The following RDH10 variants were observed in gnomAD, a reference collection of about 807,000 sequenced individuals.
RDH10 encodes retinol dehydrogenase 10 (all-trans).
In RDH10, 12 loss-of-function variants were observed where a neutral mutation model predicts 30.2. The ratio of observed to expected loss-of-function variants is 0.40; its 90% CI spans 0.25 to 0.64. RDH10 has a LOEUF of 0.64. RDH10 is among the 30% of genes least tolerant of loss of function. The probability of loss-of-function intolerance (pLI) is 0.43; values close to 1 mark genes in which losing one functional copy is unlikely to be tolerated. For synonymous variants in RDH10, 189 were observed against 172.2 expected (o/e 1.10, Z -0.76); for missense variants, 268 against 445.2 (o/e 0.60, Z 3.58).
At chr8:73,316,097 G>A (rs1038277919) in intron 2 of RDH10, among the ~76,000 whole-genome samples, 1 of 152,156 alleles carries the variant, frequency 6.6e-6, no homozygotes, top group African/African-American at 2.4e-5. Context: ...GCTCACTGTA[G>A]CCTCGACCTC....
chr8:73,296,970 C>A, intron 1 of RDH10: 1 of 507,548 alleles, frequency 2.0e-6, no homozygotes, highest in Non-Finnish European at 3.6e-6. Context: ...TGACTTTCCC[C>A]TAAGCAAAGT....
In RDH10 at chr8:73,297,264, G is replaced by T. The variant is rs1171288377; in HGVS notation, c.360G>T (p.Gly120=). The T allele has an allele frequency of 6.2e-7, 1 of 1,614,040 alleles. No homozygotes were observed. Among genetic ancestry groups the T allele is most frequent in the Admixed American group, 1.7e-5 (1 of 60,006 alleles). The change falls in exon 2 of 6, where the codon GGG becomes GGT. Residue 120 remains glycine, a synonymous_variant. Transcript: ENST00000240285. ...TTTTTACCTACACCTGTGACGTGGGGAAGAGGGAGAACGTCTACCTGACGG... is the reference window on the plus strand; with the variant it reads ...TTTTTACCTACACCTGTGACGTGGGTAAGAGGGAGAACGTCTACCTGACGG... ...LQVFTYTCDV[G]KRENVYLTAE...
In RDH10 at chr8:73,325,060, G is replaced by C. The variant is rs1814846242; in HGVS notation, c.*2024G>C. ...CCAGGTGGGGACAGATATACTCAGA[G>C]ATTATCCAGGTCTGCCTCCCAGCGA... On this transcript the variant is annotated 3_prime_UTR_variant, in exon 6 of 6. Transcript: ENST00000240285. The C allele has an allele frequency of 6.6e-6, 1 of 152,278 alleles. No homozygotes were observed. Among genetic ancestry groups the C allele is most frequent in the South Asian group, 2.1e-4 (1 of 4,822 alleles). The allele number at this position is 152,278 out of a possible 1,614,324, so 9.4% of individuals were successfully genotyped here.
At chr8:73,320,633 A>G (rs1374564403) in intron 3 of RDH10, among the ~76,000 whole-genome samples, 1 of 151,748 alleles carries the variant, frequency 6.6e-6, no homozygotes, top group Non-Finnish European at 1.5e-5. Flanking sequence ...CACCATGCCC[A>G]GCTAATTTTT....
In RDH10 at chr8:73,323,569, A is replaced by T. The variant is rs1402420951; in HGVS notation, c.*533A>T. ...GAAAAGGAATTTTGAAATCTCCATCAACTGAAGTAAATGATGTCTGAGTGT... is the reference window on the plus strand; with the variant it reads ...GAAAAGGAATTTTGAAATCTCCATCTACTGAAGTAAATGATGTCTGAGTGT... On this transcript the variant is annotated 3_prime_UTR_variant, in exon 6 of 6. Coordinates refer to ENST00000240285, the MANE Select transcript of RDH10 (RefSeq NM_172037.5). 1 of 153,664 alleles carries T rather than the reference A, an allele frequency of 6.5e-6. No homozygotes were observed. The highest frequency in any genetic ancestry group is 1.4e-5 in the Non-Finnish European group (1 of 68,986). The allele number at this position is 153,664 out of a possible 1,614,324, so 9.5% of individuals were successfully genotyped here. A position where few individuals can be genotyped will look rare whatever the true frequency, so the allele number is the denominator to read the frequency against.
In RDH10 at chr8:73,296,907, T is replaced by C. The variant is rs540723579; in HGVS notation, c.290-287T>C. ...TCAGTTCTTTGCAGGTGTCTTTAGC[T>C]CCAGCAAGCTGATCCCATGTGGTCT... is the stretch of plus-strand genomic sequence containing the variant. On this transcript the variant is annotated intron_variant, in intron 1 of 5. Coordinates refer to ENST00000240285, the MANE Select transcript of RDH10 (RefSeq NM_172037.5). 1.6e-4 allele frequency: 61 copies of C among 391,244 alleles called. No homozygotes were observed. In the Middle Eastern group the frequency reaches 2.5e-3, roughly 16 times the overall value. 24.2% of individuals were successfully genotyped at this position (391,244 alleles called of 1,614,324 possible). A position where few individuals can be genotyped will look rare whatever the true frequency, so the allele number is the denominator to read the frequency against.
intron 2 of RDH10, among the ~76,000 whole-genome samples, chr8:73,307,101 T>C (rs1029795448): frequency 2.0e-5 from 3 of 152,234 alleles, no homozygotes; most frequent in African/African-American, 4.8e-5. Context: ...ATTTTTATTA[T>C]GTTTGCTGGA....
In RDH10 at chr8:73,294,690, G is replaced by T. The variant is rs1029474447; in HGVS notation, c.-600G>T. On this transcript the variant is annotated 5_prime_UTR_variant, in exon 1 of 6. Coordinates refer to ENST00000240285, the MANE Select transcript of RDH10 (RefSeq NM_172037.5). ...ACACCCGCGGAGAGTGCAGGGCCGG[G>T]GAACGCGAGCCCTCGGGGGCAGCTG... 1 of 367,592 alleles carries T rather than the reference G, an allele frequency of 2.7e-6. No individual in the cohort carries two copies. Among genetic ancestry groups the T allele is most frequent in the African/African-American group, 2.1e-5 (1 of 47,294 alleles). The allele number at this position is 367,592 out of a possible 1,614,324, so 22.8% of individuals were successfully genotyped here.
chr8:73,307,236 A>G (rs1194025903), intron 2 of RDH10, among the ~76,000 whole-genome samples: 1 of 152,174 alleles, frequency 6.6e-6, no homozygotes, highest in East Asian at 1.9e-4. Context: ...AGCGTCATCT[A>G]GGACTTGGGA....
At chr8:73,315,707 AG>A in intron 2 of RDH10, 1 of 393,236 alleles carries the variant, frequency 2.5e-6, no homozygotes, top group Non-Finnish European at 5.3e-6. Flanking sequence ...CTGGAGTTAG[AG>A]TGGACACGTG....
chr8:73,296,285 AATATTGGTTCAG>A (rs1447310518), intron 1 of RDH10, among the ~76,000 whole-genome samples: 3 of 152,030 alleles, frequency 2.0e-5, no homozygotes, highest in Non-Finnish European at 2.9e-5. Context: ...ACCAACCATA[AATATTGGTTCAG>A]GAAATTTGAT....
At chr8:73,321,482 G>T (rs141830852) in intron 4 of RDH10, among the ~76,000 whole-genome samples, 1 of 152,138 alleles carries the variant, frequency 6.6e-6, no homozygotes, top group Non-Finnish European at 1.5e-5. Context: ...AGAGAGTAAC[G>T]TGCCTTTCTT....
In RDH10 at chr8:73,323,192, T is replaced by C. The variant is rs1814798713; in HGVS notation, c.*156T>C. ...AAAAATAAAGTGTAAATTAACCGAC[T>C]AGAGTACTTGGAAAATGTGATCAGT... On this transcript the variant is annotated 3_prime_UTR_variant, in exon 6 of 6. Transcript: ENST00000240285. The C allele has an allele frequency of 1.6e-6, 1 of 621,442 alleles. No individual in the cohort carries two copies. Among genetic ancestry groups the C allele is most frequent in the Admixed American group, 3.0e-5 (1 of 33,890 alleles). The allele number at this position is 621,442 out of a possible 1,614,324, so 38.5% of individuals were successfully genotyped here.
Position 73,295,110 on chromosome 8 carries a change from G to A in RDH10, c.-180G>A. 2.3e-6 allele frequency: 1 copy of A among 432,142 alleles called. No homozygotes were observed. The highest frequency in any genetic ancestry group is 3.8e-6 in the Non-Finnish European group (1 of 261,988). The allele number at this position is 432,142 out of a possible 1,614,324, so 26.8% of individuals were successfully genotyped here. On this transcript the variant is annotated 5_prime_UTR_variant, in exon 1 of 6. Coordinates refer to ENST00000240285, the MANE Select transcript of RDH10 (RefSeq NM_172037.5). ...GCCGAGCCCGGGCGGGAGTGGCCCC[G>A]CGCAGGCAGGGAGCGGCGCCGCGCA...
At chr8:73,306,348 C>T (rs1251511999) in intron 2 of RDH10, among the ~76,000 whole-genome samples, 2 of 152,236 alleles carry the variant, frequency 1.3e-5, no homozygotes, top group East Asian at 3.8e-4. Flanking sequence ...ACTTGAAGAG[C>T]TTCCCCAGTG....
intron 4 of RDH10, 31 bp downstream of exon 4, chr8:73,321,108 A>T (rs1267408775): frequency 1.3e-6 from 2 of 1,538,612 alleles, no homozygotes; most frequent in Admixed American, 3.7e-5. Flanking sequence ...TTACTGATAA[A>T]AAGAATATGT....
In RDH10 at chr8:73,321,070, C is replaced by G. The variant is rs1814763135; in HGVS notation, c.763C>G (p.Arg255Gly). 6.2e-7 allele frequency: 1 copy of G among 1,611,564 alleles called. No homozygotes were observed. The change falls in exon 4 of 6, where the codon CGA becomes GGA. Residue 255 changes from arginine (R) to glycine (G), a missense_variant. Transcript: ENST00000240285. ...AGACACTGGCATGTTCAGAGGCTGC[C>G]GAATCAGGTCAGTGAGAACCTATAT... ...LVDTGMFRGC[R>G]IRKEIEPFLP...
At chr8:73,320,463 GTTTTTGTTTTTGTTTTTTTT>G (rs1250574278) in intron 3 of RDH10, among the ~76,000 whole-genome samples, 1 of 125,956 alleles carries the variant, frequency 7.9e-6, no homozygotes, top group Non-Finnish European at 1.6e-5. Context: ...TTTTGTTTTT[GTTTTTGTTTTTGTTTTTTTT>G]TTTTTGAGAC....
rs1814850172 is a variant in RDH10, at chr8:73,325,211, AT to A, written c.*2178del. On this transcript the variant is annotated 3_prime_UTR_variant, in exon 6 of 6. Transcript: ENST00000240285. Reference sequence around the variant, plus strand: ...TTCTTGTGTGTTATAACTTAAACCTATTTCTATTTTTGTTTGTTATTGCCCT... The same window carrying A: ...TTCTTGTGTGTTATAACTTAAACCTATTCTATTTTTGTTTGTTATTGCCCT... 6.6e-6 allele frequency: 1 copy of A among 152,088 alleles called. No homozygotes were observed. Among genetic ancestry groups the A allele is most frequent in the African/African-American group, 2.4e-5 (1 of 41,414 alleles). 9.4% of individuals were successfully genotyped at this position (152,088 alleles called of 1,614,324 possible).
Sources: gnomAD v4.1 joint callset for allele counts (sites outside exome capture counted in the v4.1 genomes callset) on GRCh38, gnomAD v4.1.1 for gene constraint, MANE v1.5 for transcripts, NCBI Gene and HGNC (gene_info 2026-07-23, HGNC 2026-07-21) for gene names.